The following PDXDC1 variants were observed in gnomAD, a reference collection of about 807,000 sequenced individuals.
The protein encoded by PDXDC1 is pyridoxal dependent decarboxylase domain containing 1.
In PDXDC1, 42 loss-of-function variants were observed where a neutral mutation model predicts 100.1. That is an observed-to-expected ratio of 0.42 (90% CI 0.33 to 0.54). The LOEUF is 0.54. Among genes scored for constraint, PDXDC1 ranks in the 20% least tolerant of loss-of-function variants. The pLI, the probability that PDXDC1 is intolerant of heterozygous loss-of-function variation, is 0.10. For synonymous variants in PDXDC1, 260 were observed against 371.7 expected, an observed-to-expected ratio of 0.70 and a Z score of 3.46; for missense variants, 636 against 979.2, an observed-to-expected ratio of 0.65 and a Z score of 4.68.
chr16:15,143,419 C>T (rs1486629268), downstream of PDXDC1, among the ~76,000 whole-genome samples: 2 of 152,226 alleles, frequency 1.3e-5, no homozygotes, highest in African/African-American at 4.8e-5. Flanking sequence ...AGCCTGCCGG[C>T]CCGAGGTATC....
the PDXDC1 span, among the ~76,000 whole-genome samples, chr16:15,149,907 C>A: frequency 4.6e-5 from 7 of 152,072 alleles, no homozygotes; most frequent in African/African-American, 1.7e-4. Context: ...TTACAAGAAA[C>A]ACAAAGGACA....
At chr16:15,075,938 A>G (rs1344037877) in intron 16 of PDXDC1, among the ~76,000 whole-genome samples, 1 of 152,136 alleles carries the variant, frequency 6.6e-6, no homozygotes, top group East Asian at 1.9e-4. Context: ...CACTCTTTCC[A>G]GCCCCTCCCC....
intron 8 of PDXDC1, among the ~76,000 whole-genome samples, chr16:15,013,565 G>A (rs773593129): frequency 5.1e-4 from 78 of 152,304 alleles, no homozygotes; most frequent in Admixed American, 1.1e-3. Flanking sequence ...ACATGAGTGA[G>A]TTTTGTTGCA....
chr16:15,044,554 A>G lies in PDXDC1; in HGVS notation c.1399+14498A>G, dbSNP rs79602899. 4,929 of 651,410 alleles carry G rather than the reference A, an allele frequency of 7.6e-3. 178 individuals carry two copies. The highest frequency in any genetic ancestry group is 0.069 in the Admixed American group (2,784 of 40,218). 40.4% of individuals were successfully genotyped at this position (651,410 alleles called of 1,614,324 possible). On this transcript the variant is annotated intron_variant, in intron 16 of 16. Transcript: ENST00000535621. The stretch of plus-strand genomic sequence containing the variant: ...TCTTCGTGCCACCGCAAAAGAAAGT[A>G]TCGGCAGCACACTGCCAAGGCCAGT...
chr16:15,015,938 T>C lies in PDXDC1; in HGVS notation c.728-191T>C, dbSNP rs1271550682. On this transcript the variant is annotated intron_variant, in intron 8 of 22. Transcript: ENST00000396410. ...TTAGATACATGTAATAGAGATTACA[T>C]ACTCTTCAAAGCTTGTAATAAGTCA... The C allele has an allele frequency of 1.1e-5, 14 of 1,253,390 alleles. No homozygotes were observed. In the East Asian group the frequency reaches 3.7e-4, roughly 33 times the overall value. 77.6% of individuals were successfully genotyped at this position (1,253,390 alleles called of 1,614,324 possible). A position where few individuals can be genotyped will look rare whatever the true frequency, so the allele number is the denominator to read the frequency against.
At chr16:15,059,939 C>G (rs1411441516) in intron 16 of PDXDC1, 1 of 184,338 alleles carries the variant, frequency 5.4e-6, no homozygotes, top group Non-Finnish European at 1.1e-5. Context: ...CTATTTCTCC[C>G]TCTTCAACAG....
At chr16:15,124,430 C>G (rs2151898638) in intron 16 of PDXDC1, among the ~76,000 whole-genome samples, 1 of 152,190 alleles carries the variant, frequency 6.6e-6, no homozygotes, top group Middle Eastern at 3.4e-3. Context: ...AATAGAAAGC[C>G]AATGCCTTTA....
chr16:15,110,974 C>T (rs1334659018), intron 16 of PDXDC1, among the ~76,000 whole-genome samples: 1 of 146,908 alleles, frequency 6.8e-6, no homozygotes, highest in Non-Finnish European at 1.5e-5. Flanking sequence ...ACTAAAAATA[C>T]AAAAATTAGC....
At position 15,038,024 on chromosome 16, in the gene PDXDC1, A is replaced by C; in HGVS notation, c.*1749A>C. On this transcript the variant is annotated 3_prime_UTR_variant, in exon 23 of 23. Transcript: ENST00000396410. Reference sequence around the variant, plus strand: ...AAGAAGGTGCTTTCTTTGGTAATTCATGTTTTTTAACTTCCTGGAGAAGAG... The same window carrying C: ...AAGAAGGTGCTTTCTTTGGTAATTCCTGTTTTTTAACTTCCTGGAGAAGAG... 2 of 1,607,424 alleles carry C rather than the reference A, an allele frequency of 1.2e-6. No individual in the cohort carries two copies. Among genetic ancestry groups the C allele is most frequent in the South Asian group, 2.2e-5 (2 of 90,244 alleles).
intron 16 of PDXDC1, among the ~76,000 whole-genome samples, chr16:15,100,182 C>T (rs2046490296): frequency 6.6e-6 from 1 of 151,938 alleles, no homozygotes. Flanking sequence ...TTGCAAATGG[C>T]TGAATGGTAG....
At chr16:15,084,273 G>C (rs371500532) in intron 16 of PDXDC1, among the ~76,000 whole-genome samples, 4 of 151,882 alleles carry the variant, frequency 2.6e-5, no homozygotes, top group East Asian at 1.9e-4. Flanking sequence ...CCCTCCAAAA[G>C]AAACCCACAA....
At chr16:15,031,541 C>T (rs2043064785) in intron 16 of PDXDC1, among the ~76,000 whole-genome samples, 194 bp from the exon 17 acceptor site, 1 of 152,204 alleles carries the variant, frequency 6.6e-6, no homozygotes, top group African/African-American at 2.4e-5. Context: ...ACACCTGCTA[C>T]AGCCAGCTGT....
At chr16:15,046,537 G>A (rs2044071297) in intron 16 of PDXDC1, among the ~76,000 whole-genome samples, 1 of 152,066 alleles carries the variant, frequency 6.6e-6, no homozygotes, top group Admixed American at 6.6e-5. Flanking sequence ...AGGATGAGGT[G>A]CTGTGGGGGC....
At chr16:15,135,748 C>T (rs2048318667) in intron 16 of PDXDC1, 4 of 1,596,700 alleles carry the variant, frequency 2.5e-6, no homozygotes, top group African/African-American at 2.7e-5. Context: ...GCACCAGGTC[C>T]TGTGTGTCTG....
rs994893775 is a variant in PDXDC1, at chr16:15,031,628, C to T, written c.1400-107C>T. The T allele has an allele frequency of 3.4e-6, 3 of 890,688 alleles. No individual in the cohort carries two copies. The Admixed American group carries it at 6.9e-5, about 21-fold the overall frequency. 55.2% of individuals were successfully genotyped at this position (890,688 alleles called of 1,614,324 possible). On this transcript the variant is annotated intron_variant, in intron 16 of 22. Coordinates refer to ENST00000396410, the MANE Select transcript of PDXDC1 (RefSeq NM_015027.4). ...TTTAAATCTCCATGGCTCCCGGTAA[C>T]TGGAGTACCTCGAGCTTTTGACCTT...
intron 8 of PDXDC1, among the ~76,000 whole-genome samples, chr16:15,012,487 T>C (rs1257812151): frequency 6.6e-6 from 1 of 152,290 alleles, no homozygotes; most frequent in Non-Finnish European, 1.5e-5. Flanking sequence ...CTTGAAAAGA[T>C]GTTTAACATC....
At chr16:15,055,879 C>T in intron 16 of PDXDC1, 1 of 1,218,060 alleles carries the variant, frequency 8.2e-7, no homozygotes, top group Non-Finnish European at 1.0e-6. Flanking sequence ...CCCCGCGCCG[C>T]GCCCCACTCA....
At chr16:14,984,495 A>ATATATATTTTTTTTTTT (rs1555542734) in intron 1 of PDXDC1, among the ~76,000 whole-genome samples, 2 of 73,492 alleles carry the variant, frequency 2.7e-5, no homozygotes, top group African/African-American at 1.0e-4. Context: ...ATATATATAT[A>ATATATATTTTTTTTTTT]TTTTTTTTTT....
intron 16 of PDXDC1, among the ~76,000 whole-genome samples, chr16:15,111,999 C>CA: frequency 6.8e-6 from 1 of 147,710 alleles, no homozygotes; most frequent in Admixed American, 6.8e-5. Flanking sequence ...CTGCTCTACT[C>CA]AGAGTTCACT....
Sources: allele counts gnomAD v4.1 joint callset (sites outside exome capture counted in the v4.1 genomes callset), GRCh38; gene constraint gnomAD v4.1.1; transcripts MANE v1.5; gene names NCBI Gene and HGNC (gene_info 2026-07-23, HGNC 2026-07-21).